VSTM5: variants seen among roughly 807,000 people sequenced by gnomAD.
The protein encoded by VSTM5 is V-set and transmembrane domain-containing protein 5.
A neutral mutation model predicts 20.3 loss-of-function variants in VSTM5; 21 were observed. That is an observed-to-expected ratio of 1.03 (90% CI 0.73 to 1.49). The LOEUF (loss-of-function observed/expected upper bound fraction) is 1.49, where lower values mean the gene tolerates loss of function less well. Among genes scored for constraint, VSTM5 ranks in the 40% most tolerant of loss-of-function variants. VSTM5 has a pLI of 0.00. For synonymous variants in VSTM5, 100 were observed against 102.5 expected (o/e 0.98, Z 0.14); for missense variants, 219 against 250.0 (o/e 0.88, Z 0.84).
At chr11:93,831,578 A>T (rs1013448413) in intron 1 of VSTM5, among the ~76,000 whole-genome samples, 1 of 152,176 alleles carries the variant, frequency 6.6e-6, no homozygotes, top group African/African-American at 2.4e-5. Flanking sequence ...AGCTCAGCTC[A>T]TCTTGGAGAG....
At chr11:93,836,917 T>C (rs572784138) in intron 1 of VSTM5, among the ~76,000 whole-genome samples, 7 of 151,798 alleles carry the variant, frequency 4.6e-5, no homozygotes, top group Admixed American at 2.0e-4. Flanking sequence ...TATGCCAAGC[T>C]GAGCACAGGA....
At position 93,819,379 on chromosome 11, in the gene VSTM5, C is replaced by T. The variant is rs1944160262; in HGVS notation, c.*1190G>A. The T allele has an allele frequency of 6.6e-6, 1 of 152,218 alleles. No homozygotes were observed. Among genetic ancestry groups the T allele is most frequent in the Non-Finnish European group, 1.5e-5 (1 of 68,048 alleles). 9.4% of individuals were successfully genotyped at this position (152,218 alleles called of 1,614,324 possible). A position where few individuals can be genotyped will look rare whatever the true frequency, so the allele number is the denominator to read the frequency against. Reference sequence around the variant, plus strand: ...TACAGGTGAACATGGTGACCAACAACCTGAGGGAATAATGGCCAAGGCCAG... The same window carrying T: ...TACAGGTGAACATGGTGACCAACAATCTGAGGGAATAATGGCCAAGGCCAG... On this transcript the variant is annotated 3_prime_UTR_variant, in exon 4 of 4. Transcript: ENST00000409977.
At chr11:93,828,694 C>T (rs996447075) in intron 1 of VSTM5, among the ~76,000 whole-genome samples, 6 of 152,174 alleles carry the variant, frequency 3.9e-5, no homozygotes, top group South Asian at 2.1e-4. Flanking sequence ...ATCTGGAAAA[C>T]AACTTATTCA....
chr11:93,832,875 G>A (rs1008310901), intron 1 of VSTM5, among the ~76,000 whole-genome samples: 1 of 152,176 alleles, frequency 6.6e-6, no homozygotes, highest in Non-Finnish European at 1.5e-5. Flanking sequence ...CCCCTAATAA[G>A]GTAAGGCACT....
intron 1 of VSTM5, among the ~76,000 whole-genome samples, chr11:93,828,767 A>G (rs988107237): frequency 6.6e-6 from 1 of 152,226 alleles, no homozygotes; most frequent in Non-Finnish European, 1.5e-5. Context: ...ATCCTTATCA[A>G]GCCTTTAGTT....
At chr11:93,822,811 C>A (rs991107396) in intron 1 of VSTM5, among the ~76,000 whole-genome samples, 1 of 152,182 alleles carries the variant, frequency 6.6e-6, no homozygotes, top group Non-Finnish European at 1.5e-5. Flanking sequence ...TTGTGGCTAT[C>A]TATCAATCAC....
intron 1 of VSTM5, among the ~76,000 whole-genome samples, chr11:93,841,708 G>A (rs1338017528): frequency 6.6e-6 from 1 of 152,196 alleles, no homozygotes; most frequent in Non-Finnish European, 1.5e-5. Flanking sequence ...AGGAGGCCAG[G>A]CCCTCCTCTC....
At chr11:93,836,308 AT>A (rs1371035112) in intron 1 of VSTM5, among the ~76,000 whole-genome samples, 1 of 152,188 alleles carries the variant, frequency 6.6e-6, no homozygotes, top group Non-Finnish European at 1.5e-5. Context: ...TCAAAACTTC[AT>A]TGTATTTTGT....
At chr11:93,841,484 C>G (rs1219132586) in intron 1 of VSTM5, among the ~76,000 whole-genome samples, 1 of 152,214 alleles carries the variant, frequency 6.6e-6, no homozygotes, top group Non-Finnish European at 1.5e-5. Context: ...CCTTCACCCT[C>G]TTCAAAACTC....
chr11:93,819,263 G>C lies in VSTM5; in HGVS notation c.*1306C>G, dbSNP rs1944159174. ...CATCATCGGATGGTACCTTTGGTCT[G>C]TAGCTATGAATATTGGAGAGATAAG... On this transcript the variant is annotated 3_prime_UTR_variant, in exon 4 of 4. Transcript: ENST00000409977. 1 of 152,256 alleles carries C rather than the reference G, an allele frequency of 6.6e-6. No individual in the cohort carries two copies. The highest frequency in any genetic ancestry group is 2.1e-4 in the South Asian group (1 of 4,836). The allele number at this position is 152,256 out of a possible 1,614,324, so 9.4% of individuals were successfully genotyped here.
intron 1 of VSTM5, among the ~76,000 whole-genome samples, chr11:93,838,345 A>T (rs1459143912): frequency 2.0e-5 from 3 of 152,034 alleles, no homozygotes; most frequent in Non-Finnish European, 4.4e-5. Context: ...TGGTTGGGGC[A>T]ACTGTAGACA....
intron 1 of VSTM5, among the ~76,000 whole-genome samples, chr11:93,841,255 A>AG (rs34533594): frequency 0.92 from 140,105 of 152,250 alleles, 65,332 homozygotes; most frequent in East Asian, 0.99. Context: ...GGACTTCAAA[A>AG]GAGTACTTCT....
At chr11:93,835,259 T>C (rs1944314229) in intron 1 of VSTM5, among the ~76,000 whole-genome samples, 1 of 151,628 alleles carries the variant, frequency 6.6e-6, no homozygotes, top group African/African-American at 2.4e-5. Flanking sequence ...AACACGTCTC[T>C]TTAAAAAAAA....
chr11:93,849,792 C>T (rs540549066), intron 1 of VSTM5, among the ~76,000 whole-genome samples: 19 of 152,214 alleles, frequency 1.2e-4, no homozygotes, highest in Admixed American at 4.6e-4. Context: ...CTGGGGATTC[C>T]GGGTCCGGCC....
chr11:93,841,348 G>T (rs1045116839), intron 1 of VSTM5, among the ~76,000 whole-genome samples: 1 of 152,208 alleles, frequency 6.6e-6, no homozygotes, highest in Non-Finnish European at 1.5e-5. Flanking sequence ...CCCTGCTTTT[G>T]CTGCTTCATT....
chr11:93,834,090 G>A (rs913066584), intron 1 of VSTM5, among the ~76,000 whole-genome samples: 2 of 151,968 alleles, frequency 1.3e-5, no homozygotes, highest in African/African-American at 4.8e-5. Context: ...ACCTGGTAAG[G>A]CCCTAGTCCT....
At chr11:93,845,142 C>T (rs1010122512) in intron 1 of VSTM5, among the ~76,000 whole-genome samples, 3 of 152,210 alleles carry the variant, frequency 2.0e-5, no homozygotes, top group Non-Finnish European at 4.4e-5. Flanking sequence ...ATTGGAACCA[C>T]TGAGGAACTT....
chr11:93,839,614 AGCT>A (rs1944354349), intron 1 of VSTM5, among the ~76,000 whole-genome samples: 1 of 152,176 alleles, frequency 6.6e-6, no homozygotes, highest in African/African-American at 2.4e-5. Flanking sequence ...CACCAGTGCC[AGCT>A]TGAGGAAGTG....
At chr11:93,841,045 A>T (rs903118468) in intron 1 of VSTM5, among the ~76,000 whole-genome samples, 3 of 152,184 alleles carry the variant, frequency 2.0e-5, no homozygotes, top group African/African-American at 7.2e-5. Flanking sequence ...CAAAAGGAAA[A>T]ACCCCACCTT....
Sources: allele counts gnomAD v4.1 joint callset (sites outside exome capture counted in the v4.1 genomes callset), GRCh38; gene constraint gnomAD v4.1.1; transcripts MANE v1.5; gene names NCBI Gene and HGNC (gene_info 2026-07-23, HGNC 2026-07-21).